The following VPS13D variants were observed in gnomAD, a reference collection of about 807,000 sequenced individuals.
VPS13D encodes intermembrane lipid transfer protein VPS13D.
VPS13D carries 187 observed loss-of-function variants against 461.9 expected under a neutral mutation model. That is an observed-to-expected ratio of 0.40 (90% CI 0.36 to 0.46). VPS13D has a LOEUF of 0.46. Among genes scored for constraint, VPS13D ranks in the 20% least tolerant of loss-of-function variants. The pLI is 0.60. For synonymous variants in VPS13D, 1,951 were observed against 1,986.3 expected (o/e 0.98, Z 0.47); for missense variants, 4,711 against 5,364.9 (o/e 0.88, Z 3.81).
At chr1:12,281,037 A>C (rs1333416146) in intron 20 of VPS13D, among the ~76,000 whole-genome samples, 13 of 151,948 alleles carry the variant, frequency 8.6e-5, no homozygotes, top group Admixed American at 8.5e-4. Flanking sequence ...TCCACTTATG[A>C]AGATTTTGCC....
intron 22 of VPS13D, among the ~76,000 whole-genome samples, chr1:12,290,737 A>AG (rs988237398): frequency 3.3e-5 from 5 of 151,596 alleles, no homozygotes; most frequent in African/African-American, 9.7e-5. Flanking sequence ...AAAAAAAAAA[A>AG]TGTAATGTTG....
rs745544170 is a variant in VPS13D, at chr1:12,343,034, A to T, written c.8868A>T (p.Arg2956Ser). The T allele has an allele frequency of 1.2e-6, 2 of 1,613,162 alleles. No individual in the cohort carries two copies. The highest frequency in any genetic ancestry group is 2.2e-5 in the East Asian group (1 of 44,878). ...AGATTCCCTTTGAATTTGAAGCAAG[A>T]GGAAAGTTAAGACACAGGTAAAGTA... is the stretch of plus-strand genomic sequence containing the variant. ...GEEIPFEFEA[R>S]GKLRHRHTHD... is the part of the protein sequence containing the mutation. The change falls in exon 42 of 70, where the codon AGA becomes AGT. Residue 2956 changes from arginine to serine, a missense_variant. Around this residue, in one of 3 missense-constraint regions of VPS13D, gnomAD observed 4,411 missense variants for 4,937.8 expected, o/e 0.89. Coordinates refer to ENST00000620676, the MANE Select transcript of VPS13D (RefSeq NM_015378.4).
intron 27 of VPS13D, among the ~76,000 whole-genome samples, chr1:12,310,398 T>G (rs1642699879): frequency 6.6e-6 from 1 of 152,238 alleles, no homozygotes; most frequent in South Asian, 2.1e-4. Context: ...TCTCTATACT[T>G]AGAGCATAGT....
chr1:12,384,115 G>C (rs1644319028), intron 58 of VPS13D, among the ~76,000 whole-genome samples: 1 of 152,210 alleles, frequency 6.6e-6, no homozygotes, highest in Non-Finnish European at 1.5e-5. Flanking sequence ...ACTGGAGATA[G>C]TGAAATACCA....
At chr1:12,310,799 C>CTT (rs1642717608) in intron 27 of VPS13D, among the ~76,000 whole-genome samples, 1 of 121,082 alleles carries the variant, frequency 8.3e-6, no homozygotes, top group Non-Finnish European at 1.7e-5. Flanking sequence ...TTCCTTCCCT[C>CTT]CCTCCCTCCC....
intron 26 of VPS13D, among the ~76,000 whole-genome samples, chr1:12,307,391 G>A (rs758424960): frequency 2.6e-5 from 4 of 152,338 alleles, no homozygotes; most frequent in Non-Finnish European, 5.9e-5. Flanking sequence ...GTAAGCCTGA[G>A]GCCTAGTGAG....
At chr1:12,463,901 C>G (rs753089346) in intron 67 of VPS13D, among the ~76,000 whole-genome samples, 6 of 152,208 alleles carry the variant, frequency 3.9e-5, no homozygotes, top group Non-Finnish European at 5.9e-5. Flanking sequence ...AAATTTATCT[C>G]TCTGTTTATT....
At chr1:12,446,850 A>G (rs1645198855) in intron 65 of VPS13D, among the ~76,000 whole-genome samples, 1 of 152,350 alleles carries the variant, frequency 6.6e-6, no homozygotes, top group East Asian at 1.9e-4. Context: ...TCTTCCTAGT[A>G]TAAATGGTAC....
intron 65 of VPS13D, among the ~76,000 whole-genome samples, chr1:12,426,979 A>C (rs753436162): frequency 8.5e-5 from 13 of 152,088 alleles, no homozygotes; most frequent in South Asian, 2.1e-4. Context: ...ATGCCATTGC[A>C]CTCCAGCCTA....
Position 12,400,246 on chromosome 1 carries a change from G to A in VPS13D, c.11700G>A (p.Glu3900=), listed in dbSNP as rs547190700. 1.2e-6 allele frequency: 2 copies of A among 1,614,158 alleles called. No individual in the cohort carries two copies. Among genetic ancestry groups the A allele is most frequent in the African/African-American group, 2.7e-5 (2 of 75,014 alleles). ...TCTATGTGACTCCCCTGAGCAATGA[G>A]AATGAGGTCATCGAGACCGGCCCAG... ...FMLYVTPLSN[E]NEVIETGPAV... is the part of the protein sequence containing the mutation. The change falls in exon 61 of 70, where the codon GAG becomes GAA. Residue 3900 remains glutamate (E), a synonymous_variant. Transcript: ENST00000620676.
At chr1:12,414,997 G>T in intron 63 of VPS13D, 90 bp from the exon 64 acceptor site, 3 of 1,471,644 alleles carry the variant, frequency 2.0e-6, no homozygotes, top group Middle Eastern at 2.0e-4. Flanking sequence ...AAGTTAACAT[G>T]ACTTGTAGCT....
At chr1:12,494,357 T>G (rs530267875) in intron 67 of VPS13D, among the ~76,000 whole-genome samples, 4 of 151,932 alleles carry the variant, frequency 2.6e-5, no homozygotes, top group African/African-American at 9.7e-5. Flanking sequence ...GTATTGGGAG[T>G]GGGGGTGAGG....
chr1:12,273,159 G>T, intron 18 of VPS13D, 24 bp downstream of exon 18: 1 of 1,609,526 alleles, frequency 6.2e-7, no homozygotes, highest in South Asian at 1.1e-5. Flanking sequence ...GGGAAATAAT[G>T]AAAACCTGCC....
At position 12,495,582 on chromosome 1, in the gene VPS13D, G is replaced by T. The variant is rs1455171022; in HGVS notation, c.12663-1918G>T. 6.6e-6 allele frequency among the ~76,000 whole-genome samples: 1 copy of T among 152,204 alleles called. No homozygotes were observed. Among genetic ancestry groups the T allele is most frequent in the Non-Finnish European group, 1.5e-5 (1 of 68,036 alleles). On this transcript the variant is annotated intron_variant, in intron 67 of 69. Coordinates refer to ENST00000620676, the MANE Select transcript of VPS13D (RefSeq NM_015378.4). The surrounding 1 kb of genome is among the most constrained non-coding windows in gnomAD (Gnocchi z 4.0). ...TTACAAATCCAGGGATCCTTTGTTA[G>T]TTATGATCGAGATGGAGAAATAGTC...
At chr1:12,273,511 T>C (rs1456596652) in intron 18 of VPS13D, among the ~76,000 whole-genome samples, 1 of 152,194 alleles carries the variant, frequency 6.6e-6, no homozygotes, top group Non-Finnish European at 1.5e-5. Context: ...GGGAGGACTT[T>C]TGCATCTTCC....
At chr1:12,353,482 G>A (rs904264164) in intron 46 of VPS13D, among the ~76,000 whole-genome samples, 3 of 140,962 alleles carry the variant, frequency 2.1e-5, no homozygotes, top group African/African-American at 5.3e-5. Flanking sequence ...GCAGTGAGCC[G>A]AGACCGCTCC....
chr1:12,254,159 T>C (rs561919163), intron 7 of VPS13D, among the ~76,000 whole-genome samples: 84 of 152,366 alleles, frequency 5.5e-4, no homozygotes, highest in Admixed American at 2.0e-3. Context: ...ATTCCACCGT[T>C]TGCATGTTCA....
Position 12,437,108 on chromosome 1 carries a change from A to G in VPS13D, c.12334-18890A>G, listed in dbSNP as rs1400295387. ...ACCCAAAAACCCTGACTCACTTTTTATATAATTAGAGCTAAAACCAAACCA... is the reference window on the plus strand; with the variant it reads ...ACCCAAAAACCCTGACTCACTTTTTGTATAATTAGAGCTAAAACCAAACCA... On this transcript the variant is annotated intron_variant, in intron 65 of 69. Coordinates refer to ENST00000620676, the MANE Select transcript of VPS13D (RefSeq NM_015378.4). Among the ~76,000 whole-genome samples the G allele has an allele frequency of 2.0e-5, 3 of 152,116 alleles. No individual in the cohort carries two copies. In the East Asian group the frequency reaches 5.8e-4, roughly 29 times the overall value.
At chr1:12,488,047 G>A (rs907945842) in intron 67 of VPS13D, among the ~76,000 whole-genome samples, 2 of 152,182 alleles carry the variant, frequency 1.3e-5, no homozygotes, top group African/African-American at 2.4e-5. Context: ...GAGTGAAAAC[G>A]TTTTAAGCAC....
Sources: allele counts gnomAD v4.1 joint callset (sites outside exome capture counted in the v4.1 genomes callset), GRCh38; gene constraint gnomAD v4.1.1; regional missense constraint gnomAD v4.1.1; non-coding constraint Gnocchi (gnomAD v3.1); transcripts MANE v1.5; gene names NCBI Gene and HGNC (gene_info 2026-07-23, HGNC 2026-07-21).